The following FAM107B variants were observed in gnomAD, a reference collection of about 807,000 sequenced individuals.
The protein encoded by FAM107B is protein FAM107B.
FAM107B carries 21 observed loss-of-function variants against 31.5 expected under a neutral mutation model. The observed-to-expected ratio is 0.67, with a 90% CI of 0.47 to 0.96. The LOEUF (loss-of-function observed/expected upper bound fraction) is 0.96, where lower values mean the gene tolerates loss of function less well. Ranked by LOEUF, FAM107B falls within the 40% of genes least tolerant of loss-of-function variation. FAM107B has a pLI of 0.00. For synonymous variants in FAM107B, 157 were observed against 141.5 expected (o/e 1.11, Z -0.78); for missense variants, 452 against 377.1 (o/e 1.20, Z -1.64).
chr10:14,677,558 T>C (rs1018568849), intron 1 of FAM107B, among the ~76,000 whole-genome samples: 3 of 151,992 alleles, frequency 2.0e-5, no homozygotes, highest in Non-Finnish European at 4.4e-5. Flanking sequence ...GAGGCGGAGC[T>C]TGCAGTGAGC....
Position 14,649,900 on chromosome 10 carries a change from G to A in FAM107B, c.469+17734C>T, listed in dbSNP as rs189253948. On this transcript the variant is annotated intron_variant, in intron 2 of 4. Transcript: ENST00000181796. ...ACCATTACACATAATAAGGGCCAGT[G>A]GGCACTCAGTGCAGAGTTAGTATTG... Among the ~76,000 whole-genome samples the A allele has an allele frequency of 2.5e-4, 38 of 152,208 alleles. 1 individual carries two copies. In the Middle Eastern group the frequency reaches 0.01, roughly 41 times the overall value.
chr10:14,719,577 A>T (rs918521588), intron 1 of FAM107B, among the ~76,000 whole-genome samples: 1 of 152,178 alleles, frequency 6.6e-6, no homozygotes, highest in African/African-American at 2.4e-5. Flanking sequence ...CTCCCATAGC[A>T]GACATTTCCC....
intron 2 of FAM107B, among the ~76,000 whole-genome samples, chr10:14,613,600 C>A (rs2131393602): frequency 6.6e-6 from 1 of 152,272 alleles, no homozygotes; most frequent in African/African-American, 2.4e-5. Flanking sequence ...CTTTCTCTGT[C>A]ATTTCTCTCA....
At chr10:14,528,547 G>C (rs1448773983) in intron 3 of FAM107B, among the ~76,000 whole-genome samples, 2 of 152,150 alleles carry the variant, frequency 1.3e-5, no homozygotes, top group Non-Finnish European at 2.9e-5. Flanking sequence ...CAGATCTCAA[G>C]AGGGGATACC....
chr10:14,553,492 C>G (rs1849443381), intron 2 of FAM107B: 1 of 544,922 alleles, frequency 1.8e-6, no homozygotes, highest in African/African-American at 2.0e-5. Context: ...ATTCCACACC[C>G]TTAGCTCAAA....
intron 2 of FAM107B, among the ~76,000 whole-genome samples, chr10:14,652,016 A>C (rs1229244930): frequency 6.6e-6 from 1 of 152,200 alleles, no homozygotes; most frequent in African/African-American, 2.4e-5. Context: ...GGAGGGTAGC[A>C]CCATAAACAG....
At chr10:14,735,360 C>T (rs1221243485) in intron 1 of FAM107B, among the ~76,000 whole-genome samples, 1 of 152,024 alleles carries the variant, frequency 6.6e-6, no homozygotes. Context: ...GACAATTCTT[C>T]TCTCAATGTG....
intron 1 of FAM107B, among the ~76,000 whole-genome samples, chr10:14,688,383 A>C (rs1824325): frequency 0.96 from 145,921 of 152,220 alleles, 70,232 homozygotes; most frequent in East Asian, 1. Flanking sequence ...TTAATACACT[A>C]CCTTTCATGT....
chr10:14,703,458 C>A (rs1185097773), intron 1 of FAM107B, among the ~76,000 whole-genome samples: 7 of 151,842 alleles, frequency 4.6e-5, no homozygotes, highest in Non-Finnish European at 8.8e-5. Flanking sequence ...GCCTCAGCCT[C>A]CCAAGTAGCT....
intron 1 of FAM107B, among the ~76,000 whole-genome samples, chr10:14,738,942 G>C (rs1180825299): frequency 6.6e-6 from 1 of 152,200 alleles, no homozygotes; most frequent in Non-Finnish European, 1.5e-5. Context: ...CAGCTGGGCT[G>C]TCTGACTCTC....
rs1455058375 is a variant in FAM107B, at chr10:14,572,736, A to ATATAT, written c.470-42222_470-42221insATATA. On this transcript the variant is annotated intron_variant, in intron 2 of 4. Transcript: ENST00000181796. The stretch of plus-strand genomic sequence containing the variant: ...CCCCATCTCTTCAAAAAAAAAAAAA[A>ATATAT]ATTTATATATATATATATATATATT... Among the ~76,000 whole-genome samples the ATATAT allele has an allele frequency of 1.2e-3, 105 of 86,464 alleles. 2 individuals are homozygous for ATATAT. The highest frequency in any genetic ancestry group is 3.9e-3 in the African/African-American group (96 of 24,880). 56.7% of individuals were successfully genotyped at this position (86,464 alleles called of 152,430 possible).
At chr10:14,711,685 G>A (rs747544929) in intron 1 of FAM107B, among the ~76,000 whole-genome samples, 5 of 151,974 alleles carry the variant, frequency 3.3e-5, no homozygotes, top group African/African-American at 7.3e-5. Context: ...GTTCTGTCGC[G>A]CAGGCTGGGG....
Position 14,547,240 on chromosome 10 carries a change from T to C in FAM107B, c.470-16725A>G, listed in dbSNP as rs575277387. Among the ~76,000 whole-genome samples, 4 of 152,334 alleles carry C rather than the reference T, an allele frequency of 2.6e-5. No individual in the cohort carries two copies. In the East Asian group the frequency reaches 5.8e-4, roughly 22 times the overall value. ...TTTTGGCTGATGAGATTCGACACTG[T>C]TGTCTGAAGTCACTAGTAACGTATG... On this transcript the variant is annotated intron_variant, in intron 2 of 4. Coordinates refer to ENST00000181796, the MANE Select transcript of FAM107B (RefSeq NM_031453.4).
intron 2 of FAM107B, among the ~76,000 whole-genome samples, chr10:14,556,797 T>G (rs533761659): frequency 6.7e-6 from 1 of 149,068 alleles, no homozygotes; most frequent in Non-Finnish European, 1.5e-5. Flanking sequence ...AAGAATGGAC[T>G]TTCCCCCCAT....
intron 2 of FAM107B, among the ~76,000 whole-genome samples, chr10:14,588,552 G>A (rs923454219): frequency 9.9e-5 from 15 of 152,074 alleles, no homozygotes; most frequent in Non-Finnish European, 1.5e-4. Flanking sequence ...ATAAACCCCC[G>A]GAGGCACCCA....
At chr10:14,768,803 T>G (rs1833237624) in intron 1 of FAM107B, among the ~76,000 whole-genome samples, 1 of 152,206 alleles carries the variant, frequency 6.6e-6, no homozygotes, top group African/African-American at 2.4e-5. Context: ...CGTGGCTCAG[T>G]CAGCGCAACC....
At chr10:14,630,412 GA>G (rs199639348) in intron 2 of FAM107B, among the ~76,000 whole-genome samples, 2 of 149,090 alleles carry the variant, frequency 1.3e-5, no homozygotes, top group Non-Finnish European at 3.0e-5. Flanking sequence ...CAACAAACAA[GA>G]AAAAAAAATG....
intron 2 of FAM107B, among the ~76,000 whole-genome samples, chr10:14,601,141 G>A (rs983475422): frequency 1.3e-5 from 2 of 152,162 alleles, no homozygotes; most frequent in South Asian, 2.1e-4. Flanking sequence ...GGCACATGAC[G>A]GGCACTGAAT....
intron 2 of FAM107B, among the ~76,000 whole-genome samples, chr10:14,594,311 A>G (rs1852110870): frequency 6.6e-6 from 1 of 152,102 alleles, no homozygotes; most frequent in African/African-American, 2.4e-5. Flanking sequence ...TTCAAGACCA[A>G]CCGGGCAACA....
Sources: allele counts gnomAD v4.1 joint callset (sites outside exome capture counted in the v4.1 genomes callset), GRCh38; gene constraint gnomAD v4.1.1; transcripts MANE v1.5; gene names NCBI Gene and HGNC (gene_info 2026-07-23, HGNC 2026-07-21).